AIMP2: variants seen among roughly 807,000 people sequenced by gnomAD.
The protein encoded by AIMP2 is aminoacyl tRNA synthase complex-interacting multifunctional protein 2.
Under a neutral mutation model 23.4 loss-of-function variants are expected in AIMP2, and 20 were observed. The ratio of observed to expected loss-of-function variants is 0.85; its 90% CI spans 0.60 to 1.24. The LOEUF (loss-of-function observed/expected upper bound fraction) is 1.24. Ranked by LOEUF, AIMP2 falls within the 50% of genes most tolerant of loss-of-function variation. The probability of loss-of-function intolerance (pLI) is 0.00; values close to 1 mark genes in which losing one functional copy is unlikely to be tolerated. For missense variants in AIMP2, 515 were observed against 414.5 expected, an observed-to-expected ratio of 1.24 and a Z score of -2.10; for synonymous variants, 210 against 170.4, an observed-to-expected ratio of 1.23 and a Z score of -1.81.
Position 6,023,639 on chromosome 7 carries a change from G to A in AIMP2, c.911G>A (p.Arg304Lys), listed in dbSNP as rs1450412066. The A allele has an allele frequency of 2.7e-5, 43 of 1,614,016 alleles. No individual in the cohort carries two copies. Among genetic ancestry groups the A allele is most frequent in the Non-Finnish European group, 3.6e-5 (42 of 1,180,028 alleles). ...CCAGCCAATGTGCAGAGGTGGATGAGGTCTTGTGAAAACCTGGCTCCTTTT... is the reference window on the plus strand; with the variant it reads ...CCAGCCAATGTGCAGAGGTGGATGAAGTCTTGTGAAAACCTGGCTCCTTTT... ...TVPANVQRWMRSCENLAPFNT... is the reference protein window; with the variant it reads ...TVPANVQRWMKSCENLAPFNT... Residue 304 changes from arginine (R) to lysine (K), a missense_variant, in exon 4 of 4, where the codon AGG (arginine) becomes AAG (lysine). Transcript: ENST00000223029.
intron 3 of AIMP2, chr7:6,022,812 T>C (rs1166113828): frequency 1.3e-5 from 2 of 154,604 alleles, no homozygotes; most frequent in Non-Finnish European, 2.9e-5. Context: ...GAAGTTATCT[T>C]CTCATATGGC....
At chr7:6,012,783 C>A in intron 1 of AIMP2, 2 of 996,842 alleles carry the variant, frequency 2.0e-6, no homozygotes, top group South Asian at 2.3e-5. Flanking sequence ...AACTCCTGAC[C>A]TCAAGTGATC....
At chr7:6,019,578 A>G (rs1787251957) in intron 3 of AIMP2, among the ~76,000 whole-genome samples, 1 of 152,060 alleles carries the variant, frequency 6.6e-6, no homozygotes, top group African/African-American at 2.4e-5. Flanking sequence ...TGGGACACTT[A>G]CAAAGTGTCT....
chr7:6,015,140 G>C lies in AIMP2; in HGVS notation c.136-6G>C. 1 of 1,614,028 alleles carries C rather than the reference G, an allele frequency of 6.2e-7. No homozygotes were observed. The highest frequency in any genetic ancestry group is 1.1e-5 in the South Asian group (1 of 91,072). On this transcript the variant is annotated splice_region_variant and splice_polypyrimidine_tract_variant and intron_variant, in intron 1 of 3. Coordinates refer to ENST00000223029, the MANE Select transcript of AIMP2 (RefSeq NM_006303.4). ...GAAATGAACATTTGGCTGTTGGTTT[G>C]TTTAGGAAGAGTCTAACCTGTCTCT... is the stretch of plus-strand genomic sequence containing the variant.
chr7:6,009,616 TG>T (rs984536825), intron 1 of AIMP2, 118 bp downstream of exon 1: 5 of 921,272 alleles, frequency 5.4e-6, no homozygotes, highest in Admixed American at 4.3e-5. Context: ...CCGGCATCTG[TG>T]CCGGCCGGCC....
intron 3 of AIMP2, among the ~76,000 whole-genome samples, chr7:6,021,407 T>C (rs965362821): frequency 1.3e-5 from 2 of 150,834 alleles, no homozygotes; most frequent in Non-Finnish European, 1.5e-5. Flanking sequence ...GATTACATCA[T>C]TGAAGAGGCC....
At position 6,015,271 on chromosome 7, in the gene AIMP2, G is replaced by C. The variant is rs1485597191; in HGVS notation, c.261G>C (p.Leu87Phe). ...SKMIQTPDAD[L>F]DVTNIIQADE... ...TGATTCAAACACCAGATGCAGACTT[G>C]GATGTAACCAACATAATCCAAGCGG... Residue 87 changes from leucine to phenylalanine, a missense_variant, in exon 2 of 4, where the codon TTG becomes TTC. Physicochemically the swap from Leu to Phe is conservative, Grantham distance 22. Transcript: ENST00000223029. 1.9e-6 allele frequency: 3 copies of C among 1,614,170 alleles called. No individual in the cohort carries two copies. Among genetic ancestry groups the C allele is most frequent in the African/African-American group, 2.7e-5 (2 of 75,040 alleles).
In AIMP2 at chr7:6,023,414, A is replaced by G. The variant is rs1352361945; in HGVS notation, c.686A>G (p.Asn229Ser). ...TTTGGCCAGAAGCATAATGCTGTCAACGCAACCCTTATAGATAGCTGGGTA... is the reference window on the plus strand; with the variant it reads ...TTTGGCCAGAAGCATAATGCTGTCAGCGCAACCCTTATAGATAGCTGGGTA... Reference protein sequence around the residue: ...SLFGQKHNAVNATLIDSWVDI... With the variant: ...SLFGQKHNAVSATLIDSWVDI... The change falls in exon 4 of 4, where the codon AAC (asparagine) becomes AGC (serine). Residue 229 changes from asparagine to serine, a missense_variant. Transcript: ENST00000223029. 1 of 1,614,246 alleles carries G rather than the reference A, an allele frequency of 6.2e-7. No individual in the cohort carries two copies. The highest frequency in any genetic ancestry group is 8.5e-7 in the Non-Finnish European group (1 of 1,180,044).
intron 1 of AIMP2, among the ~76,000 whole-genome samples, chr7:6,014,678 A>T (rs1454661365): frequency 6.6e-6 from 1 of 151,908 alleles, no homozygotes; most frequent in Non-Finnish European, 1.5e-5. Flanking sequence ...TTTGTAATTA[A>T]GGCTTTGCAG....
rs1289756357 is a variant in AIMP2, at chr7:6,009,449, A to G, written c.86A>G (p.Asn29Ser). 5.0e-6 allele frequency: 8 copies of G among 1,610,328 alleles called. No individual in the cohort carries two copies. Among genetic ancestry groups the G allele is most frequent in the East Asian group, 2.2e-5 (1 of 44,758 alleles). Residue 29 changes from asparagine to serine, a missense_variant, in exon 1 of 4, where the codon AAC becomes AGC. Asn to Ser is a conservative substitution (Grantham distance 46, BLOSUM62 1). Transcript: ENST00000223029. ...CCCACCTGCATGTACCGGCTCCCCA[A>G]CGTGCACGGCAGGAGCTACGGCCCA... ...ELPTCMYRLP[N>S]VHGRSYGPAP... is the part of the protein sequence containing the mutation.
chr7:6,019,614 G>A (rs1787254807), intron 3 of AIMP2, among the ~76,000 whole-genome samples: 2 of 151,972 alleles, frequency 1.3e-5, no homozygotes, highest in Admixed American at 1.3e-4. Context: ...ATGTTCCCAA[G>A]AAGCAGAGAA....
At chr7:6,019,995 C>G (rs1787279920) in intron 3 of AIMP2, among the ~76,000 whole-genome samples, 1 of 142,592 alleles carries the variant, frequency 7.0e-6, no homozygotes, top group South Asian at 2.2e-4. Context: ...GCATTCCAGC[C>G]TGGCGACAGA....
At chr7:6,020,293 C>T (rs990843313) in intron 3 of AIMP2, among the ~76,000 whole-genome samples, 1 of 151,978 alleles carries the variant, frequency 6.6e-6, no homozygotes, top group African/African-American at 2.4e-5. Context: ...TGGTGACCTT[C>T]ACCTGTAATC....
In AIMP2 at chr7:6,009,975, A is replaced by AAATATACAT. The variant is rs1786496573; in HGVS notation, c.135+477_135+478insAATATACAT. Reference sequence around the variant, plus strand: ...AAAAAAAAAAAAAAAAAAAAAAAAAATATATATATATATATATGTATGTAT... The same window carrying AAATATACAT: ...AAAAAAAAAAAAAAAAAAAAAAAAAAAATATACATTATATATATATATATATGTATGTAT... On this transcript the variant is annotated intron_variant, in intron 1 of 3. Transcript: ENST00000223029. Among the ~76,000 whole-genome samples the AAATATACAT allele has an allele frequency of 4.5e-5, 2 of 43,978 alleles. 1 individual carries two copies. The allele number at this position is 43,978 out of a possible 152,430, so 28.9% of individuals were successfully genotyped here. A position where few individuals can be genotyped will look rare whatever the true frequency, so the allele number is the denominator to read the frequency against.
rs769710704 is a variant in AIMP2 at position 6,017,826 on chromosome 7, C to G, written c.355C>G (p.Leu119Val). 2.4e-5 allele frequency: 38 copies of G among 1,613,782 alleles called. No homozygotes were observed. The highest frequency in any genetic ancestry group is 3.2e-5 in the Non-Finnish European group (38 of 1,179,832). The change falls in exon 3 of 4, where the codon CTG (leucine) becomes GTG (valine). Residue 119 changes from leucine (L) to valine (V), a missense_variant. Leu to Val is a conservative substitution (Grantham distance 32). Coordinates refer to ENST00000223029, the MANE Select transcript of AIMP2 (RefSeq NM_006303.4). The part of the protein sequence containing the change: ...NSVLGKDYGA[L>V]KDIVINANPA... Reference sequence around the variant, plus strand: ...GGTCTTTCCCCAGGATTACGGGGCGCTGAAAGACATCGTGATCAACGCAAA... The same window carrying G: ...GGTCTTTCCCCAGGATTACGGGGCGGTGAAAGACATCGTGATCAACGCAAA...
At chr7:6,009,974 A>AAAAAATATACAT in intron 1 of AIMP2, among the ~76,000 whole-genome samples, 1 of 26,662 alleles carries the variant, frequency 3.8e-5, no homozygotes, top group African/African-American at 1.4e-4. Flanking sequence ...AAAAAAAAAA[A>AAAAAATATACAT]ATATATATAT....
chr7:6,021,771 T>C (rs1168435201), intron 3 of AIMP2, among the ~76,000 whole-genome samples: 1 of 152,206 alleles, frequency 6.6e-6, no homozygotes, highest in African/African-American at 2.4e-5. Context: ...AAGGCTGCTT[T>C]TGACTTCTTT....
chr7:6,022,779 G>T (rs1165907541), intron 3 of AIMP2: 1 of 152,892 alleles, frequency 6.5e-6, no homozygotes, highest in Non-Finnish European at 1.5e-5. Flanking sequence ...TCACATTCAA[G>T]AACTTACCAT....
At chr7:6,009,995 A>G (rs1369765173) in intron 1 of AIMP2, among the ~76,000 whole-genome samples, 3 of 120,192 alleles carry the variant, frequency 2.5e-5, no homozygotes, top group African/African-American at 6.1e-5. Flanking sequence ...ATATATATGT[A>G]TGTATCTTTC....
Sources: gnomAD v4.1 joint callset for allele counts (sites outside exome capture counted in the v4.1 genomes callset) on GRCh38, gnomAD v4.1.1 for gene constraint, MANE v1.5 for transcripts, NCBI Gene and HGNC (gene_info 2026-07-23, HGNC 2026-07-21) for gene names.